Variants in KCNG3 observed in about 807,000 individuals in gnomAD.
KCNG3 encodes voltage-gated potassium channel regulatory subunit KCNG3.
A neutral mutation model predicts 29.0 loss-of-function variants in KCNG3; 15 were observed. The ratio of observed to expected loss-of-function variants is 0.52; its 90% confidence interval spans 0.35 to 0.80. KCNG3 has a LOEUF of 0.80. Among genes scored for constraint, KCNG3 ranks in the 30% least tolerant of loss-of-function variants. The pLI is 0.01. For missense variants in KCNG3, 512 were observed against 605.7 expected, an observed-to-expected ratio of 0.85 and a Z score of 1.62; for synonymous variants, 322 against 248.9, an observed-to-expected ratio of 1.29 and a Z score of -2.76.
the KCNG3 span, among the ~76,000 whole-genome samples, chr2:42,407,177 CT>C: frequency 1.5e-3 from 204 of 133,134 alleles, no homozygotes; most frequent in Middle Eastern, 4.0e-3. Flanking sequence ...TCTGCTTGAT[CT>C]TTTTTTTTTT....
chr2:42,449,209 G>A (rs572724153), intron 1 of KCNG3, among the ~76,000 whole-genome samples: 2 of 151,924 alleles, frequency 1.3e-5, no homozygotes, highest in East Asian at 1.9e-4. Flanking sequence ...CTGGTTATTC[G>A]TAAGCACTTG....
the KCNG3 span, among the ~76,000 whole-genome samples, chr2:42,418,874 ACATAATATT>A: frequency 6.6e-6 from 1 of 152,214 alleles, no homozygotes; most frequent in African/African-American, 2.4e-5. Context: ...AGAATCTTGC[ACATAATATT>A]CACTTTTTTC....
Position 42,444,248 on chromosome 2 carries a change from C to T in KCNG3, c.997G>A (p.Ala333Thr), listed in dbSNP as rs1672548214. The T allele has an allele frequency of 6.2e-7, 1 of 1,613,960 alleles. No homozygotes were observed. The highest frequency in any genetic ancestry group is 8.5e-7 in the Non-Finnish European group (1 of 1,180,020). Residue 333 changes from alanine (A) to threonine (T), a missense_variant, in exon 2 of 2, where the codon GCC becomes ACC. Physicochemically the swap from Ala to Thr is moderately conservative, Grantham distance 58. Coordinates refer to ENST00000306078, the MANE Select transcript of KCNG3 (RefSeq NM_133329.6). This position sits in a 1 kb window ranked among gnomAD's most constrained non-coding sequence, Gnocchi z 5.8. ...MVMLLVFICV[A>T]MAIFSALSQL... The stretch of plus-strand genomic sequence containing the variant: ...GAAAGTGCACTAAAGATTGCCATGG[C>T]AACACAAATGAAGACAAGTAACATA...
intron 1 of KCNG3, among the ~76,000 whole-genome samples, chr2:42,450,029 A>G (rs1672710835): frequency 6.6e-6 from 1 of 152,124 alleles, no homozygotes; most frequent in African/African-American, 2.4e-5. Context: ...ATTTACATGG[A>G]TCTTATAAGG....
chr2:42,437,357 T>C (rs961334167), downstream of KCNG3, among the ~76,000 whole-genome samples: 4 of 152,220 alleles, frequency 2.6e-5, no homozygotes, highest in African/African-American at 4.8e-5. Context: ...AGAATATTTA[T>C]GTGATTTGTA....
chr2:42,421,811 CAGA>C, the KCNG3 span, among the ~76,000 whole-genome samples: 1 of 152,196 alleles, frequency 6.6e-6, no homozygotes, highest in Non-Finnish European at 1.5e-5. Flanking sequence ...AGGACCACAG[CAGA>C]AGAGCAGTCA....
chr2:42,480,977 C>T (rs538157635), intron 1 of KCNG3, among the ~76,000 whole-genome samples: 6 of 152,124 alleles, frequency 3.9e-5, no homozygotes, highest in South Asian at 2.1e-4. Context: ...GACAGGGTTT[C>T]GCCATGTTGG....
At chr2:42,425,925 A>G in the KCNG3 span, among the ~76,000 whole-genome samples, 1 of 152,194 alleles carries the variant, frequency 6.6e-6, no homozygotes. Flanking sequence ...ACTGTACACA[A>G]ATTGCTGAAG....
intron 1 of KCNG3, among the ~76,000 whole-genome samples, chr2:42,472,910 T>A (rs1171942860): frequency 2.6e-4 from 39 of 147,204 alleles, no homozygotes; most frequent in African/African-American, 9.1e-4. Context: ...TATATTTTTT[T>A]TTTTTTTTTG....
At chr2:42,465,495 G>C (rs1673120916) in intron 1 of KCNG3, among the ~76,000 whole-genome samples, 1 of 152,164 alleles carries the variant, frequency 6.6e-6, no homozygotes, top group African/African-American at 2.4e-5. Context: ...AGTATTACAG[G>C]AGTGAGCCAT....
chr2:42,419,248 T>TTTTTTC, the KCNG3 span, among the ~76,000 whole-genome samples: 1 of 128,796 alleles, frequency 7.8e-6, no homozygotes. Context: ...TTTTTTTTTT[T>TTTTTTC]TTTTTGAGAT....
the KCNG3 span, among the ~76,000 whole-genome samples, chr2:42,396,336 T>C: frequency 1.3e-5 from 2 of 152,222 alleles, no homozygotes. Context: ...TCAGGAAAAA[T>C]AGATGCATCA....
In KCNG3 at chr2:42,493,552, A is replaced by C. The variant is rs993540282; in HGVS notation, c.-51T>G. ...CCCGAGGGCCCCGCTGCAGCCCCCCACCCCAAGCCGCCACGCGGGGCCTGC... is the reference window on the plus strand; with the variant it reads ...CCCGAGGGCCCCGCTGCAGCCCCCCCCCCCAAGCCGCCACGCGGGGCCTGC... On this transcript the variant is annotated 5_prime_UTR_variant, in exon 1 of 2. Transcript: ENST00000306078. 61 of 1,284,918 alleles carry C rather than the reference A, an allele frequency of 4.7e-5. No homozygotes were observed. Among genetic ancestry groups the C allele is most frequent in the Non-Finnish European group, 6.0e-5 (61 of 1,021,840 alleles). The allele number at this position is 1,284,918 out of a possible 1,614,324, so 79.6% of individuals were successfully genotyped here.
chr2:42,461,876 C>A (rs1673028814), intron 1 of KCNG3, among the ~76,000 whole-genome samples: 1 of 152,100 alleles, frequency 6.6e-6, no homozygotes, highest in African/African-American at 2.4e-5. Flanking sequence ...GATAACAATT[C>A]TTTTCTTTAA....
At chr2:42,463,645 A>G (rs1307215697) in intron 1 of KCNG3, 1 of 179,138 alleles carries the variant, frequency 5.6e-6, no homozygotes, top group East Asian at 1.9e-4. Context: ...GCTCCTGCCT[A>G]TAGCAGTTTT....
rs948070229 is a variant in KCNG3 at position 42,458,034 on chromosome 2, G to C, written c.666-13455C>G. Among the ~76,000 whole-genome samples the C allele has an allele frequency of 4.6e-5, 7 of 151,934 alleles. No individual in the cohort carries two copies. In the South Asian group the frequency reaches 1.5e-3, roughly 31 times the overall value. On this transcript the variant is annotated intron_variant, in intron 1 of 1. Transcript: ENST00000306078. The stretch of plus-strand genomic sequence containing the variant: ...TAAGTCATACCTTGAATCACGCCTG[G>C]GATTCATGGATGTCCCTATATAGCT...
In KCNG3 at chr2:42,493,545, G is replaced by T. The variant is rs1553332874; in HGVS notation, c.-44C>A. 9.1e-6 allele frequency: 12 copies of T among 1,325,620 alleles called. No homozygotes were observed. Among genetic ancestry groups the T allele is most frequent in the Non-Finnish European group, 1.1e-5 (12 of 1,044,816 alleles). The allele number at this position is 1,325,620 out of a possible 1,614,324, so 82.1% of individuals were successfully genotyped here. On this transcript the variant is annotated 5_prime_UTR_variant, in exon 1 of 2. In the 5' UTR this introduces an upstream ATG that the reference lacks. Coordinates refer to ENST00000306078, the MANE Select transcript of KCNG3 (RefSeq NM_133329.6). Reference sequence around the variant, plus strand: ...CTTTCGGCCCGAGGGCCCCGCTGCAGCCCCCCACCCCAAGCCGCCACGCGG... The same window carrying T: ...CTTTCGGCCCGAGGGCCCCGCTGCATCCCCCCACCCCAAGCCGCCACGCGG...
At chr2:42,427,669 A>G in the KCNG3 span, among the ~76,000 whole-genome samples, 8 of 152,344 alleles carry the variant, frequency 5.3e-5, no homozygotes, top group Admixed American at 1.3e-4. Flanking sequence ...GGTTGAATGC[A>G]TAAGATATTT....
At chr2:42,449,535 T>G (rs1190608481) in intron 1 of KCNG3, among the ~76,000 whole-genome samples, 1 of 91,396 alleles carries the variant, frequency 1.1e-5, no homozygotes, top group Admixed American at 1.3e-4. Flanking sequence ...TTTTTTTTTT[T>G]GAGACAGGGT....
Sources: gnomAD v4.1 joint callset for allele counts (sites outside exome capture counted in the v4.1 genomes callset) on GRCh38, gnomAD v4.1.1 for gene constraint, Gnocchi (gnomAD v3.1) non-coding constraint, MANE v1.5 for transcripts, NCBI Gene and HGNC (gene_info 2026-07-23, HGNC 2026-07-21) for gene names.